The following FCHSD2 variants were observed in gnomAD, a reference collection of about 807,000 sequenced individuals.
FCHSD2 encodes F-BAR and double SH3 domains protein 2.
FCHSD2 carries 38 observed loss-of-function variants against 108.1 expected under a neutral mutation model. The ratio of observed to expected loss-of-function variants is 0.35; its 90% CI spans 0.27 to 0.46. FCHSD2 has a LOEUF of 0.46. Ranked by LOEUF, FCHSD2 falls within the 20% of genes least tolerant of loss-of-function variation. The probability of loss-of-function intolerance (pLI) is 1.00; values close to 1 mark genes in which losing one functional copy is unlikely to be tolerated. For missense variants in FCHSD2, 751 were observed against 897.8 expected (o/e 0.84, Z 2.09); for synonymous variants, 279 against 314.7 (o/e 0.89, Z 1.20).
chr11:72,942,587 G>A (rs952151110), intron 8 of FCHSD2, among the ~76,000 whole-genome samples: 4 of 152,096 alleles, frequency 2.6e-5, no homozygotes, highest in African/African-American at 9.7e-5. Flanking sequence ...ACAATGTGAA[G>A]TTATTTTAAT....
chr11:73,112,886 G>C (rs1313689690), intron 2 of FCHSD2, among the ~76,000 whole-genome samples: 2 of 152,122 alleles, frequency 1.3e-5, no homozygotes, highest in African/African-American at 4.8e-5. Flanking sequence ...AGCTCGTCTT[G>C]AACTCCTGAC....
chr11:72,854,226 G>A (rs1190988927), intron 13 of FCHSD2, among the ~76,000 whole-genome samples: 2 of 151,990 alleles, frequency 1.3e-5, no homozygotes, highest in African/African-American at 4.8e-5. Flanking sequence ...TGCCATTTTG[G>A]GTATATACCC....
intron 3 of FCHSD2, among the ~76,000 whole-genome samples, chr11:73,051,584 C>T (rs1033545867): frequency 1.3e-5 from 2 of 152,078 alleles, no homozygotes; most frequent in Admixed American, 6.6e-5. Context: ...GAAATAAAGA[C>T]CAACGACTTT....
intron 2 of FCHSD2, among the ~76,000 whole-genome samples, chr11:73,123,696 TCCA>T (rs1860787542): frequency 6.6e-6 from 1 of 152,196 alleles, no homozygotes; most frequent in Admixed American, 6.5e-5. Flanking sequence ...ACCATCCCCC[TCCA>T]CCACTTCAAA....
intron 13 of FCHSD2, among the ~76,000 whole-genome samples, chr11:72,856,188 C>T (rs1861424758): frequency 6.6e-6 from 1 of 152,116 alleles, no homozygotes; most frequent in Non-Finnish European, 1.5e-5. Flanking sequence ...AAACGAAGGA[C>T]ACAGTGTCTC....
chr11:73,008,452 T>A (rs1329887985), intron 4 of FCHSD2, among the ~76,000 whole-genome samples: 1 of 152,092 alleles, frequency 6.6e-6, no homozygotes, highest in East Asian at 1.9e-4. Flanking sequence ...TTATTGGTAG[T>A]AGAAAGGGAG....
At chr11:73,108,554 T>G (rs1000944388) in intron 2 of FCHSD2, among the ~76,000 whole-genome samples, 3 of 151,658 alleles carry the variant, frequency 2.0e-5, no homozygotes, top group African/African-American at 4.8e-5. Flanking sequence ...GATTTAAGTT[T>G]TTTTTTTTGT....
Position 72,885,713 on chromosome 11 carries a change from G to C in FCHSD2, c.1146+1757C>G, listed in dbSNP as rs549771342. ...AAACTGGCTTCATCTAGAGTGCGGA[G>C]AAACAAACAACAGGAATAACTCTTC... On this transcript the variant is annotated intron_variant, in intron 12 of 19. Transcript: ENST00000409418. Among the ~76,000 whole-genome samples the C allele has an allele frequency of 4.6e-5, 7 of 152,220 alleles. No individual in the cohort carries two copies. The South Asian group carries it at 1.2e-3, about 27-fold the overall frequency.
At chr11:73,103,151 T>C (rs566725245) in intron 2 of FCHSD2, among the ~76,000 whole-genome samples, 1 of 152,196 alleles carries the variant, frequency 6.6e-6, no homozygotes, top group Non-Finnish European at 1.5e-5. Flanking sequence ...AAATGTTCTA[T>C]ATATTGAGTG....
At chr11:73,061,373 G>C (rs1320870086) in intron 3 of FCHSD2, among the ~76,000 whole-genome samples, 1 of 152,206 alleles carries the variant, frequency 6.6e-6, no homozygotes, top group African/African-American at 2.4e-5. Flanking sequence ...ACAAACCTGG[G>C]TGGCCATTTG....
At chr11:73,008,730 G>A (rs1857796382) in intron 4 of FCHSD2, among the ~76,000 whole-genome samples, 1 of 152,264 alleles carries the variant, frequency 6.6e-6, no homozygotes, top group South Asian at 2.1e-4. Context: ...GGGAGTGACA[G>A]TAGGCCTGTT....
At chr11:72,970,039 A>G (rs1856980838) in intron 8 of FCHSD2, among the ~76,000 whole-genome samples, 1 of 152,214 alleles carries the variant, frequency 6.6e-6, no homozygotes, top group Non-Finnish European at 1.5e-5. Flanking sequence ...CCTGAGAACC[A>G]CAATCAACAG....
intron 10 of FCHSD2, chr11:72,900,360 A>C (rs1354364212): frequency 6.8e-7 from 1 of 1,468,014 alleles, no homozygotes; most frequent in East Asian, 2.5e-5. Context: ...AGGACAAAAA[A>C]CATAGCATAG....
At chr11:72,989,204 G>T (rs1165628599) in intron 5 of FCHSD2, 107 bp from the exon 6 acceptor site, 6 of 795,780 alleles carry the variant, frequency 7.5e-6, no homozygotes, top group Non-Finnish European at 1.2e-5. Flanking sequence ...AAATCCAGGG[G>T]AAAAGTCAGT....
intron 9 of FCHSD2, 122 bp downstream of exon 9, chr11:72,921,706 C>T (rs1855978452): frequency 1.4e-6 from 1 of 728,900 alleles, no homozygotes; most frequent in South Asian, 1.9e-5. Context: ...AATGCTGTTA[C>T]CAGGAAATTT....
intron 12 of FCHSD2, among the ~76,000 whole-genome samples, chr11:72,887,135 A>T: frequency 6.6e-6 from 1 of 151,586 alleles, no homozygotes; most frequent in East Asian, 1.9e-4. Context: ...GGAGATATAT[A>T]TATATATCTA....
chr11:72,912,737 C>G (rs1225697920), intron 9 of FCHSD2, among the ~76,000 whole-genome samples: 2 of 152,154 alleles, frequency 1.3e-5, no homozygotes, highest in African/African-American at 4.8e-5. Context: ...AATTCAGCAG[C>G]AAAGCCACCC....
At chr11:73,032,556 T>C (rs549857389) in intron 3 of FCHSD2, among the ~76,000 whole-genome samples, 1 of 151,666 alleles carries the variant, frequency 6.6e-6, no homozygotes, top group Non-Finnish European at 1.5e-5. Context: ...TCAGTATTTT[T>C]AAAGCAAATG....
At chr11:72,927,776 C>T (rs1856105202) in intron 8 of FCHSD2, among the ~76,000 whole-genome samples, 1 of 152,178 alleles carries the variant, frequency 6.6e-6, no homozygotes. Context: ...AGGAGAGTGG[C>T]TGCAGGCAGA....
Sources: allele counts gnomAD v4.1 joint callset (sites outside exome capture counted in the v4.1 genomes callset), GRCh38; gene constraint gnomAD v4.1.1; transcripts MANE v1.5; gene names NCBI Gene and HGNC (gene_info 2026-07-23, HGNC 2026-07-21).